MTUS2: variants seen among roughly 807,000 people sequenced by gnomAD.
The protein encoded by MTUS2 is microtubule associated scaffold protein 2.
A neutral mutation model predicts 114.1 loss-of-function variants in MTUS2; 40 were observed. That is an observed-to-expected ratio of 0.35 (90% confidence interval 0.27 to 0.46). MTUS2 has a LOEUF of 0.46. Ranked by LOEUF, MTUS2 falls within the 20% of genes least tolerant of loss-of-function variation. MTUS2 has a pLI of 1.00. For missense variants in MTUS2, 1,679 were observed against 1,705.4 expected (o/e 0.98, Z 0.27); for synonymous variants, 688 against 672.0 (o/e 1.02, Z -0.37).
At chr13:29,406,841 A>C (rs1874792626) in intron 8 of MTUS2, among the ~76,000 whole-genome samples, 1 of 152,246 alleles carries the variant, frequency 6.6e-6, no homozygotes, top group South Asian at 2.1e-4. Context: ...ATACAAACTT[A>C]TATCTTTGAA....
At chr13:29,051,542 G>A (rs1887897794) in intron 4 of MTUS2, among the ~76,000 whole-genome samples, 1 of 152,074 alleles carries the variant, frequency 6.6e-6, no homozygotes, top group Non-Finnish European at 1.5e-5. Flanking sequence ...CCCAAGATGG[G>A]CCCCTACAAC....
intron 3 of MTUS2, among the ~76,000 whole-genome samples, chr13:29,028,675 A>G (rs918446820): frequency 2.0e-5 from 3 of 151,304 alleles, no homozygotes; most frequent in Non-Finnish European, 2.9e-5. Flanking sequence ...TCTCTGATTT[A>G]TTTCTTCCTA....
At chr13:29,146,832 G>A (rs989170387) in intron 5 of MTUS2, among the ~76,000 whole-genome samples, 1 of 152,174 alleles carries the variant, frequency 6.6e-6, no homozygotes, top group African/African-American at 2.4e-5. Context: ...TTGCAGGATT[G>A]TTTTAAGGAT....
intron 4 of MTUS2, among the ~76,000 whole-genome samples, chr13:29,034,526 G>T (rs1886975028): frequency 6.6e-6 from 1 of 152,204 alleles, no homozygotes; most frequent in African/African-American, 2.4e-5. Context: ...TAGAGCCAAA[G>T]AAGTTCCAGA....
intron 8 of MTUS2, among the ~76,000 whole-genome samples, chr13:29,400,392 G>A (rs954294283): frequency 2.6e-5 from 4 of 152,214 alleles, no homozygotes; most frequent in Non-Finnish European, 4.4e-5. Context: ...CTTTGCCCTC[G>A]CAGCATTTAT....
chr13:29,243,910 C>T (rs1190457302), intron 5 of MTUS2, among the ~76,000 whole-genome samples: 1 of 152,176 alleles, frequency 6.6e-6, no homozygotes, highest in African/African-American at 2.4e-5. Context: ...AATGGTATTT[C>T]AGAGGAGGTG....
chr13:29,438,760 AT>A (rs1877609681), intron 8 of MTUS2, among the ~76,000 whole-genome samples: 1 of 152,144 alleles, frequency 6.6e-6, no homozygotes, highest in South Asian at 2.1e-4. Context: ...TTAGCTAATA[AT>A]TTTTGACTCC....
chr13:29,359,833 G>A (rs1870077818), intron 8 of MTUS2, among the ~76,000 whole-genome samples: 1 of 152,140 alleles, frequency 6.6e-6, no homozygotes, highest in African/African-American at 2.4e-5. Flanking sequence ...GTCACTTTCC[G>A]ACATTACTGC....
At chr13:29,338,431 CA>C (rs35869851) in intron 7 of MTUS2, among the ~76,000 whole-genome samples, 1 of 150,822 alleles carries the variant, frequency 6.6e-6, no homozygotes, top group African/African-American at 2.4e-5. Flanking sequence ...TATTAAAATA[CA>C]AAAAAAAATT....
intron 2 of MTUS2, among the ~76,000 whole-genome samples, chr13:29,022,745 C>T (rs1157162902): frequency 6.6e-6 from 1 of 152,202 alleles, no homozygotes; most frequent in Non-Finnish European, 1.5e-5. Context: ...TAATAAAATG[C>T]ACTCATAATA....
intron 8 of MTUS2, among the ~76,000 whole-genome samples, chr13:29,389,217 A>G (rs1198278878): frequency 6.7e-6 from 1 of 149,006 alleles, no homozygotes; most frequent in Non-Finnish European, 1.5e-5. Flanking sequence ...TTTTTCAAAT[A>G]TATGTATGTA....
rs2137910978 is a variant in MTUS2, at chr13:28,820,530, A to C, written c.-397A>C. ...AGAGGAGGAGGAAGCAGCGTGGCGG[A>C]ACCCGGCCCGAGATGAGCGTCTCCG... On this transcript the variant is annotated 5_prime_UTR_variant, in exon 1 of 16. Transcript: ENST00000612955. 6.5e-6 allele frequency: 1 copy of C among 153,070 alleles called. No homozygotes were observed. Among genetic ancestry groups the C allele is most frequent in the South Asian group, 2.1e-4 (1 of 4,846 alleles). 9.5% of individuals were successfully genotyped at this position (153,070 alleles called of 1,614,324 possible).
In MTUS2 at chr13:29,155,749, C is replaced by T. The variant is rs558349964; in HGVS notation, c.2644+54779C>T. Among the ~76,000 whole-genome samples the T allele has an allele frequency of 2.6e-5, 4 of 152,118 alleles. 1 individual carries two copies. The highest frequency in any genetic ancestry group is 4.2e-4 in the South Asian group (2 of 4,808). The stretch of plus-strand genomic sequence containing the variant: ...TAAGCAGAAGTTGAATTATATTACA[C>T]TATGATTACAGTCATAGAGATATGT... On this transcript the variant is annotated intron_variant, in intron 5 of 15. Transcript: ENST00000612955.
chr13:29,129,479 C>T (rs1566023153), intron 5 of MTUS2, among the ~76,000 whole-genome samples: 1 of 152,148 alleles, frequency 6.6e-6, no homozygotes, highest in African/African-American at 2.4e-5. Context: ...TTCTTCATAT[C>T]ATTGTTGTTT....
At chr13:29,105,170 G>A (rs1890601828) in intron 5 of MTUS2, among the ~76,000 whole-genome samples, 1 of 152,132 alleles carries the variant, frequency 6.6e-6, no homozygotes, top group African/African-American at 2.4e-5. Flanking sequence ...AAATTCCAAA[G>A]TTCAAAACAA....
chr13:29,333,039 A>T (rs1051676622), intron 7 of MTUS2, among the ~76,000 whole-genome samples: 8 of 152,224 alleles, frequency 5.3e-5, no homozygotes, highest in African/African-American at 1.9e-4. Flanking sequence ...ACACTGCTTT[A>T]GCTGTGTCCC....
intron 2 of MTUS2, among the ~76,000 whole-genome samples, chr13:28,971,077 C>T (rs1252678728): frequency 6.6e-6 from 1 of 152,146 alleles, no homozygotes; most frequent in East Asian, 1.9e-4. Context: ...TGCTCTTCAT[C>T]CCTGGAACAC....
intron 2 of MTUS2, among the ~76,000 whole-genome samples, chr13:28,917,006 C>G (rs1345218830): frequency 6.6e-6 from 1 of 151,796 alleles, no homozygotes; most frequent in East Asian, 1.9e-4. Flanking sequence ...AATACATATT[C>G]AGTATCAATT....
rs375790792 is a variant in MTUS2 at position 29,084,802 on chromosome 13, C to A, written c.2447-15971C>A. Among the ~76,000 whole-genome samples, 378 of 114,376 alleles carry A rather than the reference C, an allele frequency of 3.3e-3. 2 individuals carry two copies. The highest frequency in any genetic ancestry group is 9.3e-3 in the African/African-American group (307 of 33,114). The allele number at this position is 114,376 out of a possible 152,430, so 75.0% of individuals were successfully genotyped here. Reference sequence around the variant, plus strand: ...ATCCACCCCCCCCCCTCACCGTTGGCCTTCCAAAGTGCTGGGATTACAGGC... The same window carrying A: ...ATCCACCCCCCCCCCTCACCGTTGGACTTCCAAAGTGCTGGGATTACAGGC... On this transcript the variant is annotated intron_variant, in intron 4 of 15. Transcript: ENST00000612955.
Sources: gnomAD v4.1 joint callset for allele counts (sites outside exome capture counted in the v4.1 genomes callset) on GRCh38, gnomAD v4.1.1 for gene constraint, MANE v1.5 for transcripts, NCBI Gene and HGNC (gene_info 2026-07-23, HGNC 2026-07-21) for gene names.